ARHGAP24: variants seen among roughly 807,000 people sequenced by gnomAD.
The protein encoded by ARHGAP24 is Rho GTPase activating protein 24, also known as rho GTPase-activating protein 24.
Under a neutral mutation model 76.4 loss-of-function variants are expected in ARHGAP24, and 50 were observed. The ratio of observed to expected loss-of-function variants is 0.65; its 90% CI spans 0.52 to 0.83. The LOEUF is 0.83. Ranked by LOEUF, ARHGAP24 falls within the 40% of genes least tolerant of loss-of-function variation. The probability of loss-of-function intolerance (pLI) is 0.00; values close to 1 mark genes in which losing one functional copy is unlikely to be tolerated. For synonymous variants in ARHGAP24, 345 were observed against 323.3 expected, an observed-to-expected ratio of 1.07 and a Z score of -0.72; for missense variants, 930 against 914.2, an observed-to-expected ratio of 1.02 and a Z score of -0.22.
intron 9 of ARHGAP24, 39 bp from the exon 10 acceptor site, chr4:86,000,440 T>TGGGGGGGGGGGGGGGGGG: frequency 3.5e-6 from 3 of 861,206 alleles, no homozygotes; most frequent in Non-Finnish European, 3.6e-6. Context: ...CTCTTACTCT[T>TGGGGGGGGGGGGGGGGGG]GCGTCCCCAC....
chr4:85,564,381 C>T (rs1456573450), intron 1 of ARHGAP24, among the ~76,000 whole-genome samples: 15 of 125,384 alleles, frequency 1.2e-4, no homozygotes, highest in South Asian at 2.8e-4. Context: ...CATCACACAC[C>T]GGGGCCTGTT....
chr4:85,636,485 G>T (rs557488098), intron 2 of ARHGAP24, among the ~76,000 whole-genome samples: 6 of 151,836 alleles, frequency 4.0e-5, no homozygotes, highest in Non-Finnish European at 7.4e-5. Context: ...TAAACTTTCT[G>T]TGTTTCAGCT....
At chr4:85,734,322 T>G (rs1030882004) in intron 3 of ARHGAP24, among the ~76,000 whole-genome samples, 5 of 152,234 alleles carry the variant, frequency 3.3e-5, no homozygotes, top group African/African-American at 1.2e-4. Context: ...AGGAAATACA[T>G]TGGACATCTA....
intron 3 of ARHGAP24, among the ~76,000 whole-genome samples, chr4:85,763,506 G>A (rs910486583): frequency 6.6e-6 from 1 of 152,154 alleles, no homozygotes; most frequent in African/African-American, 2.4e-5. Flanking sequence ...ATGAGGACGA[G>A]GCCTGGATTG....
At chr4:85,974,991 C>A (rs770346210) in intron 7 of ARHGAP24, 30 bp downstream of exon 7, 1 of 1,575,712 alleles carries the variant, frequency 6.3e-7, no homozygotes, top group Non-Finnish European at 8.7e-7. Flanking sequence ...CAAACGTAAA[C>A]AAGACAAGAC....
intron 3 of ARHGAP24, among the ~76,000 whole-genome samples, chr4:85,805,068 A>G (rs1481643449): frequency 6.6e-6 from 1 of 152,218 alleles, no homozygotes; most frequent in Non-Finnish European, 1.5e-5. Flanking sequence ...TATTTGAGCT[A>G]CAAGTTTATA....
At chr4:85,755,627 T>G (rs1726449286) in intron 3 of ARHGAP24, among the ~76,000 whole-genome samples, 1 of 17,324 alleles carries the variant, frequency 5.8e-5, no homozygotes, top group African/African-American at 7.7e-5. Context: ...TATTCTTTTG[T>G]TTTGTTTTGT....
intron 2 of ARHGAP24, among the ~76,000 whole-genome samples, chr4:85,693,280 G>A (rs1723739112): frequency 6.6e-6 from 1 of 152,148 alleles, no homozygotes; most frequent in Non-Finnish European, 1.5e-5. Flanking sequence ...CACTGGCACT[G>A]CATCAACATT....
In ARHGAP24 at chr4:85,875,545, A is replaced by ATTTTATATTATAT. The variant is rs1453655044; in HGVS notation, c.269-48089_269-48077dup. 3.0e-3 allele frequency among the ~76,000 whole-genome samples: 257 copies of ATTTTATATTATAT among 85,220 alleles called. 5 individuals carry two copies. Among genetic ancestry groups the ATTTTATATTATAT allele is most frequent in the African/African-American group, 0.011 (246 of 21,526 alleles). The allele number at this position is 85,220 out of a possible 152,430, so 55.9% of individuals were successfully genotyped here. On this transcript the variant is annotated intron_variant, in intron 3 of 9. Transcript: ENST00000395184. ...ATTGTATATAATATATATTATTTAT[A>ATTTTATATTATAT]TTTTATATTATATTTTTATATTATA...
chr4:85,620,775 T>A (rs1466734051), intron 2 of ARHGAP24, among the ~76,000 whole-genome samples: 2 of 151,910 alleles, frequency 1.3e-5, no homozygotes, highest in Non-Finnish European at 2.9e-5. Flanking sequence ...TTTTTTATTT[T>A]TATTTTTATT....
At chr4:85,492,711 C>T (rs1723407460) in intron 1 of ARHGAP24, among the ~76,000 whole-genome samples, 1 of 152,076 alleles carries the variant, frequency 6.6e-6, no homozygotes, top group Non-Finnish European at 1.5e-5. Flanking sequence ...ATTTTTTTAA[C>T]TTTTTATTTC....
chr4:85,655,181 A>G (rs1722093006), intron 2 of ARHGAP24, among the ~76,000 whole-genome samples: 1 of 152,128 alleles, frequency 6.6e-6, no homozygotes, highest in African/African-American at 2.4e-5. Flanking sequence ...TTACTTAGTC[A>G]TGTTGCAAGA....
intron 3 of ARHGAP24, among the ~76,000 whole-genome samples, chr4:85,813,108 G>GTTCCAGGATGAAGGAAGTACCTCT (rs1729081683): frequency 6.6e-6 from 1 of 152,088 alleles, no homozygotes; most frequent in Non-Finnish European, 1.5e-5. Context: ...GAAGTACCTC[G>GTTCCAGGATGAAGGAAGTACCTCT]TTCCAAGATG....
chr4:85,548,294 A>G (rs1725996120), intron 1 of ARHGAP24, among the ~76,000 whole-genome samples: 1 of 152,182 alleles, frequency 6.6e-6, no homozygotes, highest in Non-Finnish European at 1.5e-5. Context: ...GGCATTTAGA[A>G]GTCAAGATCT....
chr4:85,501,524 T>G (rs541106637), intron 1 of ARHGAP24, among the ~76,000 whole-genome samples: 103 of 152,242 alleles, frequency 6.8e-4, no homozygotes, highest in Non-Finnish European at 1.2e-3. Flanking sequence ...AAATGTCTTC[T>G]TTTGAGAAGT....
intron 3 of ARHGAP24, among the ~76,000 whole-genome samples, chr4:85,824,408 AACCCAGTACT>A (rs1560652975): frequency 6.6e-6 from 1 of 152,210 alleles, no homozygotes. Flanking sequence ...CTCATCCATG[AACCCAGTACT>A]ACCCTAAGTG....
chr4:85,994,529 G>T lies in ARHGAP24; in HGVS notation c.929-54G>T, dbSNP rs147851787. The stretch of plus-strand genomic sequence containing the variant: ...TTTCTTTAAGAGTCACATTGAAATA[G>T]AAATAAATAAAAACTGTCTCACTCA... On this transcript the variant is annotated intron_variant, in intron 8 of 9. Coordinates refer to ENST00000395184, the MANE Select transcript of ARHGAP24 (RefSeq NM_001025616.3). The T allele has an allele frequency of 0.012, 17,662 of 1,526,454 alleles. 123 individuals are homozygous for T. The highest frequency in any genetic ancestry group is 0.014 in the Non-Finnish European group (15,772 of 1,100,556). 94.6% of individuals were successfully genotyped at this position (1,526,454 alleles called of 1,614,324 possible).
intron 1 of ARHGAP24, among the ~76,000 whole-genome samples, chr4:85,558,119 G>A (rs2110133691): frequency 6.6e-6 from 1 of 152,180 alleles, no homozygotes. Context: ...TGAGTCACAT[G>A]TCCATTTCCT....
At chr4:85,562,420 T>TTG (rs10651032) in intron 1 of ARHGAP24, among the ~76,000 whole-genome samples, 40,213 of 151,376 alleles carry the variant, frequency 0.27, 6,459 homozygotes, top group East Asian at 0.78. Context: ...TTATGTGAAT[T>TTG]TGTGTGTGTG....
Sources: gnomAD v4.1 joint callset for allele counts (sites outside exome capture counted in the v4.1 genomes callset) on GRCh38, gnomAD v4.1.1 for gene constraint, MANE v1.5 for transcripts, NCBI Gene and HGNC (gene_info 2026-07-23, HGNC 2026-07-21) for gene names.